The following KALRN variants were observed in gnomAD, a reference collection of about 807,000 sequenced individuals.
The protein encoded by KALRN is kalirin RhoGEF kinase, also known as kalirin.
KALRN carries 70 observed loss-of-function variants against 353.7 expected under a neutral mutation model. That is an observed-to-expected ratio of 0.20 (90% CI 0.16 to 0.24). KALRN has a LOEUF of 0.24. KALRN is among the 10% of genes least tolerant of loss of function. The pLI is 1.00. For synonymous variants in KALRN, 1,391 were observed against 1,434.8 expected, an observed-to-expected ratio of 0.97 and a Z score of 0.69; for missense variants, 2,791 against 3,756.7, an observed-to-expected ratio of 0.74 and a Z score of 6.72.
Position 124,349,306 on chromosome 3 carries a change from C to T in KALRN, c.1770+2041C>T, listed in dbSNP as rs186760241. Among the ~76,000 whole-genome samples, 33 of 152,282 alleles carry T rather than the reference C, an allele frequency of 2.2e-4. No individual in the cohort carries two copies. In the East Asian group the frequency reaches 6.4e-3, roughly 29 times the overall value. Reference sequence around the variant, plus strand: ...AGATGGAAAGTAGAATGGTGGTTGTCAGAGGCTGGGGGAAGGGAGGAATGG... The same window carrying T: ...AGATGGAAAGTAGAATGGTGGTTGTTAGAGGCTGGGGGAAGGGAGGAATGG... On this transcript the variant is annotated intron_variant, in intron 10 of 59. Transcript: ENST00000682506.
intron 1 of KALRN, among the ~76,000 whole-genome samples, chr3:124,139,417 T>C (rs2066344078): frequency 6.6e-6 from 1 of 152,224 alleles, no homozygotes; most frequent in Admixed American, 6.5e-5. Flanking sequence ...ATTAGTGTTT[T>C]AATGCATTCA....
chr3:124,184,769 G>A (rs2074013156), intron 1 of KALRN, among the ~76,000 whole-genome samples: 1 of 152,104 alleles, frequency 6.6e-6, no homozygotes, highest in African/African-American at 2.4e-5. Flanking sequence ...GCCAAATTTT[G>A]TATTCTTATC....
At chr3:124,535,655 A>T (rs543628538) in intron 33 of KALRN, among the ~76,000 whole-genome samples, 3 of 152,320 alleles carry the variant, frequency 2.0e-5, no homozygotes, top group African/African-American at 7.2e-5. Flanking sequence ...AAACACAGAG[A>T]TTAAAAAACA....
intron 1 of KALRN, among the ~76,000 whole-genome samples, chr3:124,086,353 G>T (rs200725510): frequency 4.2e-5 from 6 of 143,228 alleles, no homozygotes; most frequent in East Asian, 2.1e-4. Flanking sequence ...GTGTGTGTGT[G>T]TTTTTGCTGG....
chr3:124,649,537 G>A (rs147315996), intron 37 of KALRN, among the ~76,000 whole-genome samples: 99 of 152,260 alleles, frequency 6.5e-4, no homozygotes, highest in African/African-American at 2.0e-3. Flanking sequence ...ATTTTGAGAG[G>A]CTGAGGTGGG....
chr3:124,106,730 A>G (rs1578120480), intron 1 of KALRN, among the ~76,000 whole-genome samples: 2 of 152,246 alleles, frequency 1.3e-5, no homozygotes, highest in African/African-American at 2.4e-5. Context: ...CCAAAGTCAT[A>G]CAATTATCGG....
At chr3:124,154,797 C>A (rs908200982) in intron 1 of KALRN, among the ~76,000 whole-genome samples, 20 of 152,004 alleles carry the variant, frequency 1.3e-4, no homozygotes, top group Non-Finnish European at 2.4e-4. Flanking sequence ...GAGCCCGCAT[C>A]GCCAAGTCAA....
At chr3:124,341,850 A>T (rs1022273319) in intron 9 of KALRN, among the ~76,000 whole-genome samples, 29 of 152,340 alleles carry the variant, frequency 1.9e-4, no homozygotes, top group Admixed American at 1.6e-3. Flanking sequence ...AAGGCTTTCC[A>T]TAGCCAATGA....
At chr3:124,398,977 AG>A in intron 13 of KALRN, 106 bp downstream of exon 13, 1 of 1,203,994 alleles carries the variant, frequency 8.3e-7, no homozygotes, top group African/African-American at 1.5e-5. Flanking sequence ...TAGAGCATCC[AG>A]CATGCATTTT....
chr3:124,632,789 A>C, intron 35 of KALRN, 86 bp downstream of exon 35: 20 of 1,243,602 alleles, frequency 1.6e-5, no homozygotes, highest in Non-Finnish European at 2.2e-5. Context: ...AGGCCATCTC[A>C]AATCTCCATT....
intron 33 of KALRN, among the ~76,000 whole-genome samples, chr3:124,545,090 T>C (rs2069482555): frequency 6.6e-6 from 1 of 152,220 alleles, no homozygotes; most frequent in Non-Finnish European, 1.5e-5. Context: ...ATCCATGCTT[T>C]TTCTCTATGA....
At chr3:124,129,192 A>G (rs2065011244) in intron 1 of KALRN, among the ~76,000 whole-genome samples, 1 of 152,212 alleles carries the variant, frequency 6.6e-6, no homozygotes, top group Non-Finnish European at 1.5e-5. Flanking sequence ...GAGCATTAGC[A>G]GAACGGTGCC....
At chr3:124,656,692 C>T (rs1192585425) in intron 39 of KALRN, among the ~76,000 whole-genome samples, 1 of 152,192 alleles carries the variant, frequency 6.6e-6, no homozygotes, top group Non-Finnish European at 1.5e-5. Context: ...TGGTTCCTTA[C>T]ATTTGGCCTG....
At chr3:124,292,432 G>C (rs2076503132) in intron 5 of KALRN, among the ~76,000 whole-genome samples, 1 of 152,204 alleles carries the variant, frequency 6.6e-6, no homozygotes, top group Non-Finnish European at 1.5e-5. Flanking sequence ...GAGAGTTGAG[G>C]TGTAGCAGAG....
chr3:124,225,991 A>G (rs762507219), intron 1 of KALRN, among the ~76,000 whole-genome samples: 5 of 152,192 alleles, frequency 3.3e-5, no homozygotes, highest in Admixed American at 6.5e-5. Context: ...TTTTTTCTAT[A>G]GAAATTAGTG....
intron 15 of KALRN, among the ~76,000 whole-genome samples, chr3:124,424,456 T>C (rs1484550912): frequency 6.6e-6 from 1 of 152,160 alleles, no homozygotes; most frequent in Non-Finnish European, 1.5e-5. Flanking sequence ...GTCTTAGTTA[T>C]TATATTGTTA....
chr3:124,243,276 A>G (rs1349078595), intron 3 of KALRN, among the ~76,000 whole-genome samples: 1 of 152,202 alleles, frequency 6.6e-6, no homozygotes, highest in Non-Finnish European at 1.5e-5. Flanking sequence ...CTAAGGGACT[A>G]CAGGGGCTCA....
chr3:124,152,600 T>C (rs1215471121), intron 1 of KALRN: 18 of 607,280 alleles, frequency 3.0e-5, no homozygotes, highest in Non-Finnish European at 5.1e-5. Flanking sequence ...TTTCTTTTTT[T>C]TTTTTTTTTT....
intron 5 of KALRN, among the ~76,000 whole-genome samples, chr3:124,293,208 T>C (rs928069955): frequency 2.6e-5 from 4 of 152,214 alleles, no homozygotes; most frequent in African/African-American, 7.2e-5. Context: ...AGAAAAGCCA[T>C]TGGTTGTCTT....
Sources: allele counts gnomAD v4.1 joint callset (sites outside exome capture counted in the v4.1 genomes callset), GRCh38; gene constraint gnomAD v4.1.1; transcripts MANE v1.5; gene names NCBI Gene and HGNC (gene_info 2026-07-23, HGNC 2026-07-21).